The following ZBTB20 variants were observed in gnomAD, a reference collection of about 807,000 sequenced individuals.
ZBTB20 encodes the protein zinc finger and BTB domain-containing protein 20.
In ZBTB20, 9 loss-of-function variants were observed where a neutral mutation model predicts 56.9. That is an observed-to-expected ratio of 0.16 (90% CI 0.10 to 0.28). ZBTB20 has a LOEUF of 0.28. ZBTB20 is among the 10% of genes least tolerant of loss of function. The pLI, the probability that ZBTB20 is intolerant of heterozygous loss-of-function variation, is 1.00. For missense variants in ZBTB20, 655 were observed against 1,003.0 expected (o/e 0.65, Z 4.69); for synonymous variants, 417 against 420.7 (o/e 0.99, Z 0.11).
chr3:115,145,186 A>G (rs996172965), intron 1 of ZBTB20, among the ~76,000 whole-genome samples: 4 of 152,240 alleles, frequency 2.6e-5, no homozygotes, highest in South Asian at 2.1e-4. Flanking sequence ...ACCATGCACT[A>G]TGTGTGCAAC....
intron 7 of ZBTB20, among the ~76,000 whole-genome samples, chr3:114,470,706 A>C (rs1417377076): frequency 6.6e-6 from 1 of 152,170 alleles, no homozygotes; most frequent in Non-Finnish European, 1.5e-5. Flanking sequence ...TAGAATTTGC[A>C]TGCAAACCCA....
chr3:114,923,707 TA>T (rs1490084151), intron 3 of ZBTB20, among the ~76,000 whole-genome samples: 2 of 150,858 alleles, frequency 1.3e-5, no homozygotes, highest in African/African-American at 4.9e-5. Context: ...AAAGCAAAAA[TA>T]AAAAAAAGTA....
intron 7 of ZBTB20, among the ~76,000 whole-genome samples, chr3:114,408,462 C>T (rs147674179): frequency 1.9e-4 from 29 of 152,182 alleles, no homozygotes; most frequent in African/African-American, 4.8e-4. Context: ...TCCATAATCA[C>T]GAGAGAAAAC....
intron 2 of ZBTB20, among the ~76,000 whole-genome samples, chr3:115,034,094 C>G (rs1013272163): frequency 6.6e-6 from 1 of 151,162 alleles, no homozygotes; most frequent in East Asian, 1.9e-4. Context: ...AGTAAAAAAC[C>G]CTAACATAAT....
intron 2 of ZBTB20, among the ~76,000 whole-genome samples, chr3:114,989,397 A>G (rs947244577): frequency 3.3e-5 from 5 of 152,280 alleles, no homozygotes; most frequent in African/African-American, 1.2e-4. Context: ...GGTTTGTCAA[A>G]TATCAGATGG....
At chr3:115,131,607 T>A (rs2084508093) in intron 1 of ZBTB20, among the ~76,000 whole-genome samples, 1 of 152,200 alleles carries the variant, frequency 6.6e-6, no homozygotes, top group African/African-American at 2.4e-5. Flanking sequence ...TATTGCTACC[T>A]ATATTTCTAT....
intron 6 of ZBTB20, among the ~76,000 whole-genome samples, chr3:114,573,463 G>GAAAA (rs1173999269): frequency 5.8e-5 from 2 of 34,346 alleles, no homozygotes; most frequent in Non-Finnish European, 1.3e-4. Flanking sequence ...CAACAAAAAA[G>GAAAA]AAAAAAAAAA....
At chr3:114,414,525 T>C (rs1045095108) in intron 7 of ZBTB20, among the ~76,000 whole-genome samples, 1 of 152,014 alleles carries the variant, frequency 6.6e-6, no homozygotes, top group African/African-American at 2.4e-5. Flanking sequence ...TGCAAGAGTG[T>C]TGCTAGCCTA....
chr3:114,900,975 G>A (rs1446039471), intron 3 of ZBTB20, among the ~76,000 whole-genome samples: 1 of 152,158 alleles, frequency 6.6e-6, no homozygotes, highest in Admixed American at 6.6e-5. Flanking sequence ...AGCGAAGTAG[G>A]TATTGATACA....
intron 1 of ZBTB20, among the ~76,000 whole-genome samples, chr3:115,145,070 T>A (rs1381409272): frequency 6.6e-6 from 1 of 152,146 alleles, no homozygotes; most frequent in African/African-American, 2.4e-5. Flanking sequence ...AAAACCCCAA[T>A]CTTGAAAATT....
intron 10 of ZBTB20, among the ~76,000 whole-genome samples, chr3:114,375,559 C>T (rs2083516944): frequency 6.6e-6 from 1 of 152,156 alleles, no homozygotes; most frequent in Non-Finnish European, 1.5e-5. Flanking sequence ...TAAAATCACT[C>T]CCCCAGTGGG....
chr3:114,558,136 G>C (rs747849368), intron 6 of ZBTB20, among the ~76,000 whole-genome samples: 3 of 151,954 alleles, frequency 2.0e-5, no homozygotes, highest in Admixed American at 6.6e-5. Context: ...CTACCTTGAG[G>C]GGTGGATGGT....
intron 2 of ZBTB20, among the ~76,000 whole-genome samples, chr3:115,041,726 T>C (rs1456842222): frequency 1.3e-5 from 2 of 152,206 alleles, no homozygotes; most frequent in Non-Finnish European, 2.9e-5. Context: ...CAAAAATAGT[T>C]TGTAACTTAA....
At chr3:114,354,777 A>G (rs1194821024) in intron 10 of ZBTB20, among the ~76,000 whole-genome samples, 1 of 151,724 alleles carries the variant, frequency 6.6e-6, no homozygotes, top group Non-Finnish European at 1.5e-5. Flanking sequence ...ATGAGTTTTC[A>G]CCATGTTGGC....
rs149295660 is a variant in ZBTB20, at chr3:114,918,195, C to T, written c.-455-17853G>A. Among the ~76,000 whole-genome samples the T allele has an allele frequency of 9.3e-3, 1,414 of 152,158 alleles. 29 individuals are homozygous for T. Among genetic ancestry groups the T allele is most frequent in the South Asian group, 0.069 (332 of 4,822 alleles). ...GCTACTGTCAATGTTCATTCAAGACCCAAAGGTTCTTCAGTCAGCTTGTGG... is the reference window on the plus strand; with the variant it reads ...GCTACTGTCAATGTTCATTCAAGACTCAAAGGTTCTTCAGTCAGCTTGTGG... On this transcript the variant is annotated intron_variant, in intron 3 of 11. Coordinates refer to ENST00000675478, the MANE Select transcript of ZBTB20 (RefSeq NM_001348800.3).
chr3:115,012,196 G>A (rs528046683), intron 2 of ZBTB20, among the ~76,000 whole-genome samples: 7 of 151,644 alleles, frequency 4.6e-5, no homozygotes, highest in African/African-American at 1.7e-4. Context: ...ACAAAATGGC[G>A]GGAGTAAGTT....
At position 114,350,447 on chromosome 3, in the gene ZBTB20, T is replaced by C; in HGVS notation, c.1631A>G (p.Gln544Arg). ...GQQTQFVTVS[Q>R]PGLSTFTAQL... The stretch of plus-strand genomic sequence containing the variant: ...TGCAGTAAAGGTCGACAGACCGGGC[T>C]GGGACACTGTCACAAACTGGGTCTG... The change falls in exon 11 of 12, where the codon CAG becomes CGG. Residue 544 changes from glutamine to arginine, a missense_variant. Physicochemically the swap from Gln to Arg is conservative, Grantham distance 43. Transcript: ENST00000675478. The C allele has an allele frequency of 6.2e-7, 1 of 1,614,128 alleles. No individual in the cohort carries two copies. Among genetic ancestry groups the C allele is most frequent in the Non-Finnish European group, 8.5e-7 (1 of 1,180,026 alleles).
chr3:114,693,054 T>C (rs2062792501), intron 6 of ZBTB20, among the ~76,000 whole-genome samples: 1 of 152,160 alleles, frequency 6.6e-6, no homozygotes, highest in Non-Finnish European at 1.5e-5. Context: ...TAATGGGTAG[T>C]TCAAAGTATC....
intron 11 of ZBTB20, among the ~76,000 whole-genome samples, chr3:114,346,482 GAC>G: frequency 6.6e-6 from 1 of 151,954 alleles, no homozygotes; most frequent in East Asian, 1.9e-4. Flanking sequence ...TTTGTTGAAG[GAC>G]ACACAGGCAT....
Sources: gnomAD v4.1 joint callset for allele counts (sites outside exome capture counted in the v4.1 genomes callset) on GRCh38, gnomAD v4.1.1 for gene constraint, MANE v1.5 for transcripts, NCBI Gene and HGNC (gene_info 2026-07-23, HGNC 2026-07-21) for gene names.